Variants in SPRING1 observed in about 807,000 individuals in gnomAD.
SPRING1 encodes the protein SREBF pathway regulator in golgi 1, also known as SREBP regulating gene protein.
A neutral mutation model predicts 24.7 loss-of-function variants in SPRING1; 14 were observed. The observed-to-expected ratio is 0.57, with a 90% confidence interval of 0.37 to 0.88. The LOEUF (loss-of-function observed/expected upper bound fraction) is 0.88, where lower values mean the gene tolerates loss of function less well. Ranked by LOEUF, SPRING1 falls within the 40% of genes least tolerant of loss-of-function variation. The probability of loss-of-function intolerance (pLI) is 0.00; values close to 1 mark genes in which losing one functional copy is unlikely to be tolerated. For synonymous variants in SPRING1, 93 were observed against 106.1 expected (o/e 0.88, Z 0.76); for missense variants, 255 against 268.4 (o/e 0.95, Z 0.35).
chr12:116,731,512 A>G (rs911744136), intron 1 of SPRING1, among the ~76,000 whole-genome samples: 1 of 152,166 alleles, frequency 6.6e-6, no homozygotes, highest in African/African-American at 2.4e-5. Flanking sequence ...TGGGAGGCTG[A>G]GCCAGGCCAT....
rs1324687721 is a variant in SPRING1, at chr12:116,733,541, GA to G, written c.111+4248del. On this transcript the variant is annotated intron_variant, in intron 1 of 4. Coordinates refer to ENST00000261318, the MANE Select transcript of SPRING1 (RefSeq NM_024738.4). ...GTAATAAAACAAAATAGAAAAACAG[GA>G]AAAAAAGCATATAGAATAAGGATAT... Among the ~76,000 whole-genome samples, 4 of 151,546 alleles carry G rather than the reference GA, an allele frequency of 2.6e-5. No individual in the cohort carries two copies. In the South Asian group the frequency reaches 6.3e-4, roughly 24 times the overall value.
chr12:116,731,588 AT>A (rs1870978313), intron 1 of SPRING1, among the ~76,000 whole-genome samples: 1 of 152,162 alleles, frequency 6.6e-6, no homozygotes, highest in Non-Finnish European at 1.5e-5. Context: ...TACCAAAAAA[AT>A]AAATTAATTA....
At chr12:116,725,478 C>CT (rs1870637421) in intron 1 of SPRING1, among the ~76,000 whole-genome samples, 1 of 152,164 alleles carries the variant, frequency 6.6e-6, no homozygotes, top group Non-Finnish European at 1.5e-5. Flanking sequence ...TTAAAATTAT[C>CT]TTTAATCATT....
At chr12:116,731,485 C>T (rs1176473552) in intron 1 of SPRING1, among the ~76,000 whole-genome samples, 1 of 152,136 alleles carries the variant, frequency 6.6e-6, no homozygotes, top group Non-Finnish European at 1.5e-5. Flanking sequence ...TAGCTCATGC[C>T]TATGATTCCA....
At chr12:116,725,340 G>A (rs1274369915) in intron 1 of SPRING1, among the ~76,000 whole-genome samples, 1 of 152,076 alleles carries the variant, frequency 6.6e-6, no homozygotes, top group African/African-American at 2.4e-5. Context: ...TCAGTTACCA[G>A]GTGGAAAAAC....
In SPRING1 at chr12:116,727,971, C is replaced by T. The variant is rs1040303867; in HGVS notation, c.112-4748G>A. ...CATATTATATGATATATACTTCACT[C>T]TAGACAGTATCTAACTTGGCACCAA... is the stretch of plus-strand genomic sequence containing the variant. On this transcript the variant is annotated intron_variant, in intron 1 of 4. Transcript: ENST00000261318. 1.7e-4 allele frequency among the ~76,000 whole-genome samples: 26 copies of T among 152,294 alleles called. No individual in the cohort carries two copies. In the East Asian group the frequency reaches 2.9e-3, roughly 17 times the overall value.
chr12:116,718,287 A>G (rs912692268), intron 4 of SPRING1, among the ~76,000 whole-genome samples: 8 of 152,366 alleles, frequency 5.3e-5, no homozygotes, highest in African/African-American at 1.9e-4. Context: ...AACCCTGCAG[A>G]GACACTAAGG....
At chr12:116,718,279 C>T (rs1290466416) in intron 4 of SPRING1, among the ~76,000 whole-genome samples, 1 of 152,228 alleles carries the variant, frequency 6.6e-6, no homozygotes, top group East Asian at 1.9e-4. Context: ...CCGTAAGGAA[C>T]CCTGCAGAGA....
chr12:116,715,268 T>C lies in SPRING1; in HGVS notation c.*2542A>G, dbSNP rs181892631. 6.6e-6 allele frequency: 1 copy of C among 152,270 alleles called. No homozygotes were observed. The highest frequency in any genetic ancestry group is 2.4e-5 in the African/African-American group (1 of 41,558). The allele number at this position is 152,270 out of a possible 1,614,324, so 9.4% of individuals were successfully genotyped here. A position where few individuals can be genotyped will look rare whatever the true frequency, so the allele number is the denominator to read the frequency against. On this transcript the variant is annotated 3_prime_UTR_variant, in exon 5 of 5. Coordinates refer to ENST00000261318, the MANE Select transcript of SPRING1 (RefSeq NM_024738.4). ...TTTTCTAAAGGTGTTTTCATCCCTT[T>C]TGTGATCTCCTAAACTCCCAAGGTG...
chr12:116,718,849 A>C, intron 4 of SPRING1, among the ~76,000 whole-genome samples: 1 of 152,252 alleles, frequency 6.6e-6, no homozygotes, highest in Non-Finnish European at 1.5e-5. Context: ...AAACAAGACC[A>C]TCAGGAATTT....
chr12:116,730,883 T>C (rs1870942732), intron 1 of SPRING1, among the ~76,000 whole-genome samples: 1 of 152,250 alleles, frequency 6.6e-6, no homozygotes, highest in African/African-American at 2.4e-5. Flanking sequence ...TCAGATGTTT[T>C]CTGTAAAGTA....
intron 2 of SPRING1, among the ~76,000 whole-genome samples, chr12:116,721,317 G>C (rs1355380078): frequency 6.6e-6 from 1 of 152,198 alleles, no homozygotes; most frequent in African/African-American, 2.4e-5. Context: ...TGAGCTCCCA[G>C]GTGCACGTTC....
chr12:116,737,534 GGAAGGT>G (rs1871306867), intron 1 of SPRING1, among the ~76,000 whole-genome samples: 1 of 5,904 alleles, frequency 1.7e-4, no homozygotes, highest in South Asian at 6.8e-3. Context: ...GGAAGGAGGA[GGAAGGT>G]GAGGAAGGTA....
chr12:116,723,335 C>T, intron 1 of SPRING1, 112 bp from the exon 2 acceptor site: 4 of 1,291,690 alleles, frequency 3.1e-6, no homozygotes, highest in East Asian at 2.5e-5. Flanking sequence ...AAAAGGCTTA[C>T]ACTACCAGAA....
At chr12:116,731,227 T>A (rs1417607707) in intron 1 of SPRING1, among the ~76,000 whole-genome samples, 5 of 152,238 alleles carry the variant, frequency 3.3e-5, no homozygotes, top group African/African-American at 1.2e-4. Context: ...ATACGACAAC[T>A]AGTAGCACAG....
At chr12:116,733,362 T>TTTTTTTTTTTTTTTTTTTTTTTTGAGA (rs1473070550) in intron 1 of SPRING1, among the ~76,000 whole-genome samples, 1 of 146,604 alleles carries the variant, frequency 6.8e-6, no homozygotes, top group African/African-American at 2.7e-5. Flanking sequence ...TTTTGTATTT[T>TTTTTTTTTTTTTTTTTTTTTTTTGAGA]CAGTAGAGAC....
chr12:116,717,984 CA>C lies in SPRING1; in HGVS notation c.535-92del. 1 of 1,087,174 alleles carries C rather than the reference CA, an allele frequency of 9.2e-7. No individual in the cohort carries two copies. Among genetic ancestry groups the C allele is most frequent in the Non-Finnish European group, 1.3e-6 (1 of 783,452 alleles). 67.3% of individuals were successfully genotyped at this position (1,087,174 alleles called of 1,614,324 possible). On this transcript the variant is annotated intron_variant, in intron 4 of 4. Coordinates refer to ENST00000261318, the MANE Select transcript of SPRING1 (RefSeq NM_024738.4). The surrounding 1 kb of genome is among the most constrained non-coding windows in gnomAD (Gnocchi z 4.2). ...AAGAGTGAGAGTGGATCGGGACTGTCAGACTCTCCCTGCAGGGGGCTGGCCG... is the reference window on the plus strand; with the variant it reads ...AAGAGTGAGAGTGGATCGGGACTGTCGACTCTCCCTGCAGGGGGCTGGCCG...
chr12:116,718,579 T>C (rs1870267912), intron 4 of SPRING1, among the ~76,000 whole-genome samples: 2 of 152,242 alleles, frequency 1.3e-5, no homozygotes, highest in Admixed American at 1.3e-4. Context: ...AAGTCTTCTC[T>C]TTCTTGGGAT....
chr12:116,730,369 A>G (rs1434647573), intron 1 of SPRING1, among the ~76,000 whole-genome samples: 5 of 151,776 alleles, frequency 3.3e-5, no homozygotes, highest in African/African-American at 7.3e-5. Flanking sequence ...ACACCCAGCT[A>G]ATTTTTGTAT....
Sources: gnomAD v4.1 joint callset for allele counts (sites outside exome capture counted in the v4.1 genomes callset) on GRCh38, gnomAD v4.1.1 for gene constraint, Gnocchi (gnomAD v3.1) non-coding constraint, MANE v1.5 for transcripts, NCBI Gene and HGNC (gene_info 2026-07-23, HGNC 2026-07-21) for gene names.